Variants in MAMDC2 observed in about 807,000 individuals in gnomAD.
The protein encoded by MAMDC2 is MAM domain containing 2, also known as MAM domain-containing protein 2.
A neutral mutation model predicts 89.8 loss-of-function variants in MAMDC2; 57 were observed. That is an observed-to-expected ratio of 0.63 (90% CI 0.51 to 0.79). The LOEUF (loss-of-function observed/expected upper bound fraction) is 0.79. Among genes scored for constraint, MAMDC2 ranks in the 30% least tolerant of loss-of-function variants. MAMDC2 has a pLI of 0.00. For synonymous variants in MAMDC2, 313 were observed against 293.4 expected (o/e 1.07, Z -0.68); for missense variants, 800 against 820.6 (o/e 0.97, Z 0.31).
At chr9:70,069,777 G>A (rs942092816) in intron 2 of MAMDC2, among the ~76,000 whole-genome samples, 2 of 152,208 alleles carry the variant, frequency 1.3e-5, no homozygotes, top group Non-Finnish European at 2.9e-5. Flanking sequence ...TGCTCCTGAA[G>A]AGTTACAGGA....
intron 11 of MAMDC2, among the ~76,000 whole-genome samples, chr9:70,208,066 A>G (rs546588790): frequency 3.9e-5 from 6 of 152,202 alleles, no homozygotes; most frequent in African/African-American, 9.6e-5. Context: ...CCGGTAGCGT[A>G]ATGCTTCCAG....
chr9:70,079,538 T>G (rs1174535473), intron 2 of MAMDC2, among the ~76,000 whole-genome samples: 2 of 152,162 alleles, frequency 1.3e-5, no homozygotes, highest in African/African-American at 4.8e-5. Flanking sequence ...GTGGGTGGTC[T>G]GCTGGGGGGT....
intron 2 of MAMDC2, among the ~76,000 whole-genome samples, chr9:70,101,486 G>T (rs748558696): frequency 2.6e-5 from 4 of 152,092 alleles, no homozygotes; most frequent in Non-Finnish European, 4.4e-5. Flanking sequence ...CACACCACTT[G>T]CAAGTTAGTG....
intron 11 of MAMDC2, among the ~76,000 whole-genome samples, chr9:70,199,110 GGTTA>G (rs749361989): frequency 4.7e-5 from 7 of 150,296 alleles, no homozygotes; most frequent in East Asian, 3.9e-4. Context: ...ACATTGTACA[GGTTA>G]GTTACATATG....
At chr9:70,142,383 G>C (rs2031253111) in intron 8 of MAMDC2, among the ~76,000 whole-genome samples, 1 of 152,156 alleles carries the variant, frequency 6.6e-6, no homozygotes, top group Non-Finnish European at 1.5e-5. Flanking sequence ...GGTGTGGCAG[G>C]CCACAGGAAG....
chr9:70,074,044 A>T (rs1475207912), intron 2 of MAMDC2, among the ~76,000 whole-genome samples: 1 of 152,216 alleles, frequency 6.6e-6, no homozygotes, highest in Non-Finnish European at 1.5e-5. Context: ...GTATGATGTC[A>T]TGAACCTCTG....
At chr9:70,094,695 T>C (rs1827984756) in intron 2 of MAMDC2, among the ~76,000 whole-genome samples, 1 of 152,182 alleles carries the variant, frequency 6.6e-6, no homozygotes, top group Admixed American at 6.5e-5. Context: ...AGTTTACCCA[T>C]TTATTTAAAA....
intron 11 of MAMDC2, among the ~76,000 whole-genome samples, chr9:70,213,029 T>C (rs1353341622): frequency 6.6e-6 from 1 of 152,168 alleles, no homozygotes; most frequent in Non-Finnish European, 1.5e-5. Context: ...AATTAGTCCA[T>C]TGTGCCCATG....
intron 2 of MAMDC2, among the ~76,000 whole-genome samples, chr9:70,053,476 G>T (rs577922566): frequency 2.0e-5 from 3 of 152,282 alleles, no homozygotes; most frequent in South Asian, 4.1e-4. Context: ...ACTCCATAGG[G>T]TTCACAGTCA....
chr9:70,218,460 G>A lies in MAMDC2; in HGVS notation c.1775G>A (p.Gly592Glu), dbSNP rs370890120. The A allele has an allele frequency of 1.2e-6, 2 of 1,614,048 alleles. No homozygotes were observed. Among genetic ancestry groups the A allele is most frequent in the South Asian group, 1.1e-5 (1 of 91,090 alleles). Residue 592 changes from glycine (G) to glutamate (E), a missense_variant, in exon 12 of 14, where the codon GGG (glycine) becomes GAG (glutamate). Gly to Glu is a moderately conservative substitution (Grantham distance 98). Transcript: ENST00000377182. ...ACCTTTTTCTACCACATGTATGGAG[G>A]GGGCACTGGCCTGCTGAGTGTTTAT... ...CLTFFYHMYGGGTGLLSVYLK... is the reference protein window; with the variant it reads ...CLTFFYHMYGEGTGLLSVYLK...
intron 2 of MAMDC2, among the ~76,000 whole-genome samples, chr9:70,101,598 T>C (rs1467560177): frequency 6.6e-6 from 1 of 152,204 alleles, no homozygotes; most frequent in African/African-American, 2.4e-5. Flanking sequence ...TCATTGTGTT[T>C]CAATTGCCTA....
intron 2 of MAMDC2, among the ~76,000 whole-genome samples, chr9:70,080,173 T>C (rs1827620866): frequency 6.6e-6 from 1 of 152,216 alleles, no homozygotes; most frequent in South Asian, 2.1e-4. Context: ...ATTAATAGAT[T>C]AATAGTCTTC....
chr9:70,207,210 C>A (rs997032383), intron 11 of MAMDC2, among the ~76,000 whole-genome samples: 17 of 152,252 alleles, frequency 1.1e-4, no homozygotes, highest in African/African-American at 3.9e-4. Flanking sequence ...ACCACACTGT[C>A]TTCCACAATG....
chr9:70,151,586 G>C (rs1258555220), intron 9 of MAMDC2, among the ~76,000 whole-genome samples: 1 of 152,186 alleles, frequency 6.6e-6, no homozygotes, highest in Non-Finnish European at 1.5e-5. Flanking sequence ...TCATGGTCTA[G>C]TCAACTTTGA....
intron 9 of MAMDC2, among the ~76,000 whole-genome samples, chr9:70,145,606 C>G (rs1435748632): frequency 6.6e-6 from 1 of 151,364 alleles, no homozygotes; most frequent in Non-Finnish European, 1.5e-5. Flanking sequence ...AAGCAAATAC[C>G]AGAGTCCCAC....
chr9:70,140,413 A>C, intron 8 of MAMDC2, 125 bp downstream of exon 8: 1 of 993,540 alleles, frequency 1.0e-6, no homozygotes, highest in Non-Finnish European at 1.5e-6. Flanking sequence ...AAGCAAAGAC[A>C]ATCAGTAGTC....
chr9:70,195,778 T>C (rs964163043), intron 11 of MAMDC2, among the ~76,000 whole-genome samples: 2 of 152,146 alleles, frequency 1.3e-5, no homozygotes, highest in African/African-American at 2.4e-5. Flanking sequence ...ATAGTGTTTC[T>C]GGCAATTCAG....
intron 9 of MAMDC2, among the ~76,000 whole-genome samples, chr9:70,144,807 G>A (rs1466197625): frequency 3.3e-5 from 5 of 152,154 alleles, no homozygotes; most frequent in African/African-American, 7.2e-5. Context: ...TTCATAGCCC[G>A]AACTTCTCTT....
chr9:70,044,267 T>G, intron 1 of MAMDC2, 36 bp downstream of exon 1: 1 of 1,604,818 alleles, frequency 6.2e-7, no homozygotes, highest in South Asian at 1.1e-5. Context: ...CCGGGGGCGC[T>G]CTGACGACTC....
Sources: gnomAD v4.1 joint callset for allele counts (sites outside exome capture counted in the v4.1 genomes callset) on GRCh38, gnomAD v4.1.1 for gene constraint, MANE v1.5 for transcripts, NCBI Gene and HGNC (gene_info 2026-07-23, HGNC 2026-07-21) for gene names.